Variants in WDR49 observed in about 807,000 individuals in gnomAD.
WDR49 encodes the protein cilia- and flagella-associated protein 337.
WDR49 carries 107 observed loss-of-function variants against 119.5 expected under a neutral mutation model. The ratio of observed to expected loss-of-function variants is 0.90; its 90% confidence interval spans 0.77 to 1.05. The LOEUF (loss-of-function observed/expected upper bound fraction) is 1.05. Ranked by LOEUF, WDR49 falls within the 50% of genes least tolerant of loss-of-function variation. The pLI, the probability that WDR49 is intolerant of heterozygous loss-of-function variation, is 0.00. For missense variants in WDR49, 1,240 were observed against 1,220.5 expected (o/e 1.02, Z -0.24); for synonymous variants, 425 against 418.8 (o/e 1.01, Z -0.18).
Position 167,653,446 on chromosome 3 carries a change from G to C in WDR49, c.-21C>G. The C allele has an allele frequency of 6.8e-7, 1 of 1,469,598 alleles. No individual in the cohort carries two copies. Among genetic ancestry groups the C allele is most frequent in the East Asian group, 2.5e-5 (1 of 39,400 alleles). 91.0% of individuals were successfully genotyped at this position (1,469,598 alleles called of 1,614,324 possible). ...CTCATAATGGCTTCACCTTTTCTCA[G>C]TTGCCTTCAACTATTTCTATAAGGA... On this transcript the variant is annotated 5_prime_UTR_variant, in exon 2 of 19. Coordinates refer to ENST00000682715, the MANE Select transcript of WDR49 (RefSeq NM_001366157.1).
chr3:167,587,114 G>A (rs1343962999), intron 7 of WDR49, among the ~76,000 whole-genome samples: 1 of 151,932 alleles, frequency 6.6e-6, no homozygotes, highest in Non-Finnish European at 1.5e-5. Flanking sequence ...TATTTAACAT[G>A]TATTTAATAC....
chr3:167,600,169 G>C (rs1014300408), intron 7 of WDR49, among the ~76,000 whole-genome samples: 1 of 152,024 alleles, frequency 6.6e-6, no homozygotes, highest in Non-Finnish European at 1.5e-5. Context: ...CGGAAGGAAG[G>C]GGTCTCTTTC....
At chr3:167,585,712 A>C (rs1027521815) in intron 7 of WDR49, among the ~76,000 whole-genome samples, 1 of 151,890 alleles carries the variant, frequency 6.6e-6, no homozygotes, top group African/African-American at 2.4e-5. Flanking sequence ...TATATATAAT[A>C]ACATTAAATA....
intron 16 of WDR49, among the ~76,000 whole-genome samples, chr3:167,509,043 G>A (rs563931896): frequency 2.0e-5 from 3 of 152,104 alleles, no homozygotes; most frequent in Non-Finnish European, 4.4e-5. Flanking sequence ...ACATTAATTT[G>A]AGGTGTGCCC....
rs754562023 is a variant in WDR49, at chr3:167,554,832, G to A, written c.1675-34C>T. ...GAAAAATTAAAACCACTTTGAGACAGGAAGGTAAACTTTTTATATTCTGAA... is the reference window on the plus strand; with the variant it reads ...GAAAAATTAAAACCACTTTGAGACAAGAAGGTAAACTTTTTATATTCTGAA... On this transcript the variant is annotated intron_variant, in intron 9 of 18. Transcript: ENST00000682715. 18 of 1,489,442 alleles carry A rather than the reference G, an allele frequency of 1.2e-5. 1 individual carries two copies. In the Middle Eastern group the frequency reaches 5.3e-4, roughly 44 times the overall value. 92.3% of individuals were successfully genotyped at this position (1,489,442 alleles called of 1,614,324 possible).
chr3:167,541,820 T>C (rs1711855143), intron 10 of WDR49, among the ~76,000 whole-genome samples: 1 of 151,930 alleles, frequency 6.6e-6, no homozygotes, highest in African/African-American at 2.4e-5. Flanking sequence ...ACCTAACATA[T>C]AAGGACTCAT....
intron 5 of WDR49, among the ~76,000 whole-genome samples, chr3:167,606,761 G>C (rs1323971973): frequency 6.6e-6 from 1 of 152,098 alleles, no homozygotes; most frequent in Admixed American, 6.6e-5. Flanking sequence ...GAATTTACCT[G>C]GATTGTGTTA....
intron 2 of WDR49, among the ~76,000 whole-genome samples, chr3:167,637,119 G>C (rs1717655910): frequency 6.6e-6 from 1 of 151,824 alleles, no homozygotes; most frequent in African/African-American, 2.4e-5. Flanking sequence ...AATTTTTATA[G>C]TTTCAGGTCT....
intron 10 of WDR49, among the ~76,000 whole-genome samples, chr3:167,549,398 G>C (rs1712409360): frequency 6.6e-6 from 1 of 152,194 alleles, no homozygotes; most frequent in African/African-American, 2.4e-5. Context: ...ACTGGTGTGA[G>C]ATGGTATCTC....
intron 16 of WDR49, among the ~76,000 whole-genome samples, chr3:167,510,302 C>T (rs1018386435): frequency 5.3e-5 from 8 of 152,228 alleles, no homozygotes; most frequent in African/African-American, 1.7e-4. Flanking sequence ...TATTCTGAAA[C>T]TGTATTTTCT....
At chr3:167,597,090 T>C (rs1339454820) in intron 7 of WDR49, among the ~76,000 whole-genome samples, 1 of 152,150 alleles carries the variant, frequency 6.6e-6, no homozygotes, top group Non-Finnish European at 1.5e-5. Context: ...TTTGGAGATC[T>C]TCGTCACAGG....
chr3:167,588,298 A>G (rs1714920809), intron 7 of WDR49, among the ~76,000 whole-genome samples: 1 of 152,132 alleles, frequency 6.6e-6, no homozygotes. Context: ...CTTTTTTATG[A>G]CTGAGTAGTA....
At chr3:167,567,881 A>G (rs1040288562) in intron 8 of WDR49, among the ~76,000 whole-genome samples, 1 of 152,220 alleles carries the variant, frequency 6.6e-6, no homozygotes, top group Admixed American at 6.5e-5. Flanking sequence ...CCAGTTCAGA[A>G]AAAAACATTC....
intron 7 of WDR49, among the ~76,000 whole-genome samples, chr3:167,583,916 C>A (rs1035381552): frequency 2.6e-5 from 4 of 152,066 alleles, no homozygotes; most frequent in Non-Finnish European, 5.9e-5. Flanking sequence ...GAAAGATAAT[C>A]AAGCATAAAA....
rs1272782190 is a variant in WDR49, at chr3:167,653,285, A to G, written c.141T>C (p.Phe47=). 5.2e-6 allele frequency: 8 copies of G among 1,536,192 alleles called. No individual in the cohort carries two copies. The highest frequency in any genetic ancestry group is 7.0e-6 in the Non-Finnish European group (8 of 1,146,880). The change falls in exon 2 of 19, where the codon TTT becomes TTC. Residue 47 remains phenylalanine, a synonymous_variant. Transcript: ENST00000682715. ...CCTCAAAGGCCTTCTGTATTTTTACAAAGTCACCCACGCTGAGTTGGTTTT... is the reference window on the plus strand; with the variant it reads ...CCTCAAAGGCCTTCTGTATTTTTACGAAGTCACCCACGCTGAGTTGGTTTT... ...LLENQLSVGD[F]VKIQKAFESP...
intron 8 of WDR49, among the ~76,000 whole-genome samples, chr3:167,560,497 C>T (rs1470723071): frequency 1.3e-5 from 2 of 152,030 alleles, no homozygotes; most frequent in Admixed American, 6.6e-5. Context: ...GAGGCCATTC[C>T]GAAATCAAAT....
intron 10 of WDR49, among the ~76,000 whole-genome samples, chr3:167,554,063 C>G (rs753151062): frequency 2.6e-5 from 4 of 152,016 alleles, no homozygotes; most frequent in African/African-American, 9.7e-5. Flanking sequence ...AAACATATCA[C>G]ACTTTAATTT....
Position 167,620,499 on chromosome 3 carries a change from CA to C in WDR49, c.887del (p.Leu296ArgfsTer12). Reference sequence around the variant, plus strand: ...GGCAACATTTGTGACATCCAGAGAGCAGCTCTGCCCAGTTAATGGTCATAGT... The same window carrying C: ...GGCAACATTTGTGACATCCAGAGAGCGCTCTGCCCAGTTAATGGTCATAGT... ...EATMTINWAE[L>X]LSGCHKCCHI... On this transcript the variant is annotated frameshift_variant, in exon 5 of 19. Transcript: ENST00000682715. LOFTEE classifies it high-confidence loss of function. 7 of 1,536,068 alleles carry C rather than the reference CA, an allele frequency of 4.6e-6. No individual in the cohort carries two copies. The highest frequency in any genetic ancestry group is 5.2e-6 in the Non-Finnish European group (6 of 1,146,738).
intron 7 of WDR49, among the ~76,000 whole-genome samples, chr3:167,581,974 T>A (rs901119656): frequency 2.4e-4 from 37 of 151,970 alleles, no homozygotes; most frequent in Non-Finnish European, 2.9e-5. Flanking sequence ...CCTGTTATCC[T>A]GTTAGAGATA....
Sources: gnomAD v4.1 joint callset for allele counts (sites outside exome capture counted in the v4.1 genomes callset) on GRCh38, gnomAD v4.1.1 for gene constraint, MANE v1.5 for transcripts, NCBI Gene and HGNC (gene_info 2026-07-23, HGNC 2026-07-21) for gene names.